Variants in CSMD3 observed in about 807,000 individuals in gnomAD.
CSMD3 encodes the protein CUB and sushi domain-containing protein 3.
CSMD3 carries 177 observed loss-of-function variants against 435.2 expected under a neutral mutation model. The observed-to-expected ratio is 0.41, with a 90% CI of 0.36 to 0.46. The LOEUF is 0.46. CSMD3 is among the 20% of genes least tolerant of loss of function. The probability of loss-of-function intolerance (pLI) is 0.34; values close to 1 mark genes in which losing one functional copy is unlikely to be tolerated. For missense variants in CSMD3, 4,265 were observed against 4,504.6 expected, an observed-to-expected ratio of 0.95 and a Z score of 1.52; for synonymous variants, 1,656 against 1,520.5, an observed-to-expected ratio of 1.09 and a Z score of -2.07.
chr8:113,311,993 T>A (rs1231986974), intron 2 of CSMD3: 1 of 152,140 alleles, frequency 6.6e-6, no homozygotes, highest in East Asian at 1.9e-4. Flanking sequence ...TTTGTATATA[T>A]TACACCTGTT....
chr8:113,245,649 C>T (rs568803507), intron 3 of CSMD3, among the ~76,000 whole-genome samples: 31 of 152,070 alleles, frequency 2.0e-4, no homozygotes, highest in African/African-American at 7.2e-4. Flanking sequence ...TAAAATCAGA[C>T]AGAATATTTT....
chr8:112,944,854 A>G (rs1404996330), intron 9 of CSMD3, among the ~76,000 whole-genome samples: 1 of 151,606 alleles, frequency 6.6e-6, no homozygotes. Flanking sequence ...ATTTGAGATG[A>G]CATCACAAGT....
chr8:112,464,088 A>T lies in CSMD3; in HGVS notation c.5395+8503T>A, dbSNP rs183698411. On this transcript the variant is annotated intron_variant, in intron 32 of 70. Transcript: ENST00000297405. The stretch of plus-strand genomic sequence containing the variant: ...CGTCTCTACTAAAAATACAAAAAAA[A>T]TTAGGTGGGCGTGGTGGCAGGCACC... Among the ~76,000 whole-genome samples the T allele has an allele frequency of 7.9e-5, 12 of 152,178 alleles. No homozygotes were observed. In the East Asian group the frequency reaches 2.3e-3, roughly 30 times the overall value.
chr8:112,380,414 A>G lies in CSMD3; in HGVS notation c.6074T>C (p.Leu2025Pro). The G allele has an allele frequency of 1.2e-6, 2 of 1,603,034 alleles. No homozygotes were observed. Among genetic ancestry groups the G allele is most frequent in the Non-Finnish European group, 1.7e-6 (2 of 1,170,294 alleles). The change falls in exon 38 of 71, where the codon CTG becomes CCG. Residue 2025 changes from leucine to proline, a missense_variant. Leu to Pro is a moderately conservative substitution (Grantham distance 98). Around this residue, in one of 3 missense-constraint regions of CSMD3, gnomAD observed 3,255 missense variants for 3,380.2 expected, o/e 0.96. Transcript: ENST00000297405. ...PHLLNSTSNN[L>P]YLNFQSDISV... is the part of the protein sequence containing the mutation. ...GATGTCTGATTGAAAATTTAGATAC[A>G]GATTATTAGACGTACTATTCAAAAG...
intron 63 of CSMD3, among the ~76,000 whole-genome samples, chr8:112,252,043 T>C (rs901287635): frequency 3.3e-5 from 5 of 151,850 alleles, no homozygotes; most frequent in Non-Finnish European, 7.4e-5. Flanking sequence ...ATCTACTATA[T>C]AAATCTATAA....
intron 59 of CSMD3, among the ~76,000 whole-genome samples, chr8:112,272,953 T>C (rs531525403): frequency 6.6e-6 from 1 of 152,198 alleles, no homozygotes; most frequent in Non-Finnish European, 1.5e-5. Flanking sequence ...TTACAAATTA[T>C]CAGCTTTTAG....
At chr8:112,877,719 T>C (rs1264912283) in intron 10 of CSMD3, among the ~76,000 whole-genome samples, 1 of 151,982 alleles carries the variant, frequency 6.6e-6, no homozygotes, top group Non-Finnish European at 1.5e-5. Context: ...CCAAAACAGA[T>C]ATATTGACCA....
intron 3 of CSMD3, among the ~76,000 whole-genome samples, chr8:113,269,598 GT>G (rs1320640683): frequency 3.3e-5 from 5 of 151,990 alleles, no homozygotes; most frequent in African/African-American, 1.2e-4. Flanking sequence ...CATGGTACTG[GT>G]ACCAAAACAG....
intron 22 of CSMD3, among the ~76,000 whole-genome samples, chr8:112,624,026 G>C (rs1834285958): frequency 1.3e-5 from 2 of 151,972 alleles, no homozygotes; most frequent in African/African-American, 4.8e-5. Flanking sequence ...TGGCAGAGGA[G>C]GGGACATACT....
intron 68 of CSMD3, among the ~76,000 whole-genome samples, chr8:112,233,686 G>T (rs897211853): frequency 3.9e-5 from 6 of 151,900 alleles, no homozygotes; most frequent in Non-Finnish European, 7.4e-5. Context: ...TGAAAAAAAG[G>T]CTTGGTACTT....
rs142155888 is a variant in CSMD3, at chr8:113,186,502, G to A, written c.515-12586C>T. Among the ~76,000 whole-genome samples, 261 of 152,130 alleles carry A rather than the reference G, an allele frequency of 1.7e-3. 1 individual carries two copies. Among genetic ancestry groups the A allele is most frequent in the South Asian group, 2.1e-3 (10 of 4,818 alleles). On this transcript the variant is annotated intron_variant, in intron 3 of 70. Transcript: ENST00000297405. Reference sequence around the variant, plus strand: ...ACCCTTTGTTGGTCAATTGAGAGCCGTTTATAGGACGCTTTCCCATTGTCA... The same window carrying A: ...ACCCTTTGTTGGTCAATTGAGAGCCATTTATAGGACGCTTTCCCATTGTCA...
intron 17 of CSMD3, among the ~76,000 whole-genome samples, chr8:112,663,947 T>G (rs2075454089): frequency 6.6e-6 from 1 of 152,076 alleles, no homozygotes; most frequent in Non-Finnish European, 1.5e-5. Context: ...AGGCATTCTT[T>G]GAAAATTGAA....
intron 9 of CSMD3, among the ~76,000 whole-genome samples, chr8:112,945,130 C>T (rs998848925): frequency 2.0e-5 from 3 of 151,544 alleles, no homozygotes; most frequent in African/African-American, 7.3e-5. Flanking sequence ...TCACTCCATC[C>T]TCATGTTGTT....
At chr8:113,014,140 T>C (rs2086363712) in intron 6 of CSMD3, among the ~76,000 whole-genome samples, 1 of 152,110 alleles carries the variant, frequency 6.6e-6, no homozygotes, top group Non-Finnish European at 1.5e-5. Flanking sequence ...CCAACAATTG[T>C]GGCCATGGTT....
intron 36 of CSMD3, among the ~76,000 whole-genome samples, chr8:112,386,892 T>C (rs1344755053): frequency 1.3e-5 from 2 of 152,204 alleles, no homozygotes. Flanking sequence ...AATAGCTTCA[T>C]GAGGTAATGA....
At chr8:112,385,792 G>A (rs1239866713) in intron 36 of CSMD3, among the ~76,000 whole-genome samples, 1 of 152,080 alleles carries the variant, frequency 6.6e-6, no homozygotes, top group African/African-American at 2.4e-5. Flanking sequence ...GGTAGCAAGA[G>A]CAAAAATGTA....
At chr8:112,387,465 ATGTGTGTG>A (rs34034900) in intron 36 of CSMD3, among the ~76,000 whole-genome samples, 47 of 144,208 alleles carry the variant, frequency 3.3e-4, no homozygotes, top group African/African-American at 8.0e-4. Context: ...GTCATATATT[ATGTGTGTG>A]TGTGTGTGTG....
intron 1 of CSMD3, among the ~76,000 whole-genome samples, chr8:113,334,437 G>C (rs2094054794): frequency 2.0e-5 from 3 of 150,546 alleles, no homozygotes; most frequent in Admixed American, 2.0e-4. Context: ...AGGCCCACTT[G>C]GTCATGTTAT....
chr8:112,706,854 CT>C (rs1207160543), intron 13 of CSMD3, among the ~76,000 whole-genome samples: 15 of 150,440 alleles, frequency 1.0e-4, no homozygotes, highest in Middle Eastern at 3.2e-3. Flanking sequence ...AGTTTATAAT[CT>C]AATAATAGAG....
Sources: allele counts gnomAD v4.1 joint callset (sites outside exome capture counted in the v4.1 genomes callset), GRCh38; gene constraint gnomAD v4.1.1; regional missense constraint gnomAD v4.1.1; transcripts MANE v1.5; gene names NCBI Gene and HGNC (gene_info 2026-07-23, HGNC 2026-07-21).